PLEKHA1: variants seen among roughly 807,000 people sequenced by gnomAD.
The protein encoded by PLEKHA1 is pleckstrin homology domain-containing family A member 1.
A neutral mutation model predicts 52.0 loss-of-function variants in PLEKHA1; 34 were observed. That is an observed-to-expected ratio of 0.65 (90% CI 0.50 to 0.87). PLEKHA1 has a LOEUF of 0.87. Ranked by LOEUF, PLEKHA1 falls within the 40% of genes least tolerant of loss-of-function variation. PLEKHA1 has a pLI of 0.00. For missense variants in PLEKHA1, 497 were observed against 504.2 expected (o/e 0.99, Z 0.14); for synonymous variants, 163 against 170.7 (o/e 0.95, Z 0.35).
At chr10:122,432,565 GA>G (rs1248613225), downstream of PLEKHA1, 10 of 152,108 alleles carry the variant, frequency 6.6e-5, no homozygotes, top group African/African-American at 2.4e-4. Context: ...TTTGATAGGG[GA>G]AAGAACTTGC....
intron 1 of PLEKHA1, among the ~76,000 whole-genome samples, chr10:122,376,748 G>A (rs558450824): frequency 2.2e-4 from 34 of 152,112 alleles, no homozygotes; most frequent in Non-Finnish European, 1.5e-4. Flanking sequence ...AACAGGATAA[G>A]TATACAATTG....
downstream of PLEKHA1, chr10:122,434,838 G>A (rs1271358462): frequency 6.7e-6 from 1 of 148,236 alleles, no homozygotes; most frequent in Non-Finnish European, 1.5e-5. Context: ...TTGTCCTTGC[G>A]ATAGTTTACT....
At chr10:122,375,172 G>A (rs2096508644) in intron 1 of PLEKHA1, among the ~76,000 whole-genome samples, 1 of 151,966 alleles carries the variant, frequency 6.6e-6, no homozygotes, top group Admixed American at 6.5e-5. Context: ...CGGGGCCGAC[G>A]AGCTCCTCGG....
chr10:122,375,407 C>T (rs2096516492), intron 1 of PLEKHA1, among the ~76,000 whole-genome samples: 1 of 152,244 alleles, frequency 6.6e-6, no homozygotes, highest in African/African-American at 2.4e-5. Context: ...CGATTTACCT[C>T]CGCACCTTCG....
intron 1 of PLEKHA1, among the ~76,000 whole-genome samples, chr10:122,383,197 C>G (rs2096638671): frequency 6.6e-6 from 1 of 152,232 alleles, no homozygotes; most frequent in African/African-American, 2.4e-5. Context: ...GCCCCAGCAA[C>G]TACCAACCCT....
At position 122,424,252 on chromosome 10, in the gene PLEKHA1, A is replaced by G; in HGVS notation, c.735A>G (p.Glu245=). The change falls in exon 9 of 12, where the codon GAA becomes GAG. Residue 245 remains glutamate (E), a synonymous_variant. Coordinates refer to ENST00000368990, the MANE Select transcript of PLEKHA1 (RefSeq NM_001001974.4). ...TTAAAGAGGTTCATAAAGTCCAGGA[A>G]TGTAAGCAAAGGTAAGGAACCGCTC... ...IPLKEVHKVQ[E]CKQSDIMMRD... 1.3e-6 allele frequency: 2 copies of G among 1,598,102 alleles called. No homozygotes were observed. The highest frequency in any genetic ancestry group is 2.3e-5 in the South Asian group (2 of 87,580).
chr10:122,412,615 T>A (rs1383612178), intron 5 of PLEKHA1: 1 of 287,360 alleles, frequency 3.5e-6, no homozygotes, highest in Non-Finnish European at 6.6e-6. Context: ...CCCCTGAGCC[T>A]ATTTCCTTAC....
intron 1 of PLEKHA1, among the ~76,000 whole-genome samples, chr10:122,388,629 A>G (rs1328188628): frequency 3.3e-5 from 5 of 152,230 alleles, no homozygotes; most frequent in East Asian, 3.8e-4. Context: ...ACTGTAACCT[A>G]TTAAGTATGC....
At chr10:122,418,846 T>A (rs2097217309) in intron 8 of PLEKHA1, 1 of 152,208 alleles carries the variant, frequency 6.6e-6, no homozygotes, top group Non-Finnish European at 1.5e-5. Flanking sequence ...AGGGAACTTA[T>A]ACTTTGTTTG....
intron 3 of PLEKHA1, among the ~76,000 whole-genome samples, chr10:122,399,727 C>T (rs4345899): frequency 0.19 from 28,576 of 151,896 alleles, 3,101 homozygotes; most frequent in East Asian, 0.36. Flanking sequence ...GGACTACAGG[C>T]GCCCGCCACC....
intron 2 of PLEKHA1, 112 bp from the exon 3 acceptor site, chr10:122,397,806 G>T: frequency 1.3e-6 from 1 of 777,684 alleles, no homozygotes; most frequent in Non-Finnish European, 2.0e-6. Context: ...TTTGTAAAAT[G>T]TGATATTAAA....
At chr10:122,403,795 G>A (rs1590606475) in intron 4 of PLEKHA1, among the ~76,000 whole-genome samples, 2 of 152,056 alleles carry the variant, frequency 1.3e-5, no homozygotes. Context: ...GGGTTCAAGC[G>A]ATTCTCCTGC....
chr10:122,406,437 T>C (rs766540305), intron 4 of PLEKHA1, 139 bp from the exon 5 acceptor site: 41 of 685,160 alleles, frequency 6.0e-5, no homozygotes, highest in Middle Eastern at 2.6e-4. Context: ...ATAAAAGCTG[T>C]ATTACATGTG....
intron 1 of PLEKHA1, chr10:122,387,005 C>T (rs1358046215): frequency 1.3e-5 from 2 of 151,908 alleles, no homozygotes; most frequent in African/African-American, 2.4e-5. Flanking sequence ...TTCTTATTAC[C>T]CACTTAATGT....
chr10:122,413,840 TTTCA>T lies in PLEKHA1; in HGVS notation c.468+798_468+801del, dbSNP rs1452394691. 2.0e-5 allele frequency among the ~76,000 whole-genome samples: 3 copies of T among 152,112 alleles called. No homozygotes were observed. The East Asian group carries it at 5.8e-4, about 29-fold the overall frequency. ...AATTGGTATTGCCAAGCTTGGGTAT[TTTCA>T]TTACCAGTGTGCCTTTTGAACTCAA... is the stretch of plus-strand genomic sequence containing the variant. On this transcript the variant is annotated intron_variant, in intron 6 of 11. Transcript: ENST00000368990.
rs552013539 is a variant in PLEKHA1, at chr10:122,400,363, A to G, written c.219A>G (p.Leu73=). ...TTTAGGTTAGCGATGCTACTAAGCT[A>G]AGGCCAAAGGCGGAGTTCTGTTTTG... is the stretch of plus-strand genomic sequence containing the variant. ...YISKVSDATK[L]RPKAEFCFVM... Residue 73 remains leucine (L), a synonymous_variant, in exon 4 of 12, where the codon CTA becomes CTG. Transcript: ENST00000368990. The G allele has an allele frequency of 1.9e-6, 3 of 1,607,956 alleles. No homozygotes were observed. The highest frequency in any genetic ancestry group is 4.5e-5 in the East Asian group (2 of 44,688).
intron 10 of PLEKHA1, among the ~76,000 whole-genome samples, chr10:122,425,895 T>C (rs2097331941): frequency 6.6e-6 from 1 of 152,152 alleles, no homozygotes; most frequent in Non-Finnish European, 1.5e-5. Context: ...TCTTAAGGTA[T>C]ATATTTTTAT....
intron 4 of PLEKHA1, among the ~76,000 whole-genome samples, chr10:122,404,096 G>A (rs2096970315): frequency 6.6e-6 from 1 of 152,130 alleles, no homozygotes; most frequent in South Asian, 2.1e-4. Flanking sequence ...ATATATGATC[G>A]TCACCTCTTA....
chr10:122,400,586 G>A (rs2096914215), intron 4 of PLEKHA1, among the ~76,000 whole-genome samples, 198 bp downstream of exon 4: 1 of 152,122 alleles, frequency 6.6e-6, no homozygotes, highest in Non-Finnish European at 1.5e-5. Flanking sequence ...TCTTTCCTGT[G>A]TGCGGTCCTA....
Sources: allele counts gnomAD v4.1 joint callset (sites outside exome capture counted in the v4.1 genomes callset), GRCh38; gene constraint gnomAD v4.1.1; transcripts MANE v1.5; gene names NCBI Gene and HGNC (gene_info 2026-07-23, HGNC 2026-07-21).